DIP2C: variants seen among roughly 807,000 people sequenced by gnomAD.
DIP2C encodes DIP2 acetate--CoA ligase C (putative), also known as disco-interacting protein 2 homolog C.
A neutral mutation model predicts 192.4 loss-of-function variants in DIP2C; 33 were observed. The observed-to-expected ratio is 0.17, with a 90% CI of 0.13 to 0.23. DIP2C has a LOEUF of 0.23. Among genes scored for constraint, DIP2C ranks in the 10% least tolerant of loss-of-function variants. The pLI is 1.00. For missense variants in DIP2C, 1,537 were observed against 2,110.1 expected, an observed-to-expected ratio of 0.73 and a Z score of 5.32; for synonymous variants, 979 against 864.1, an observed-to-expected ratio of 1.13 and a Z score of -2.33.
chr10:578,454 G>A (rs898946109), intron 1 of DIP2C, among the ~76,000 whole-genome samples: 1 of 152,180 alleles, frequency 6.6e-6, no homozygotes, highest in African/African-American at 2.4e-5. Flanking sequence ...CCAAGTCCCT[G>A]TTGTTTCGTT....
chr10:613,111 A>G (rs1588603369), intron 1 of DIP2C, among the ~76,000 whole-genome samples: 1 of 152,162 alleles, frequency 6.6e-6, no homozygotes, highest in Admixed American at 6.5e-5. Context: ...CTACAGGCTG[A>G]CTGCCTCGTC....
chr10:471,221 C>T (rs187981364), intron 3 of DIP2C, among the ~76,000 whole-genome samples: 2 of 152,322 alleles, frequency 1.3e-5, no homozygotes, highest in East Asian at 3.9e-4. Context: ...TTCATTCAGG[C>T]TCTCAGGTGT....
intron 1 of DIP2C, among the ~76,000 whole-genome samples, chr10:575,383 G>A (rs1449287395): frequency 6.6e-6 from 1 of 152,198 alleles, no homozygotes; most frequent in Admixed American, 6.5e-5. Flanking sequence ...CAGGGCATAT[G>A]ATTTCTGCCA....
intron 32 of DIP2C, among the ~76,000 whole-genome samples, chr10:289,835 T>C (rs1589397400): frequency 1.3e-5 from 2 of 152,116 alleles, no homozygotes; most frequent in Non-Finnish European, 2.9e-5. Context: ...AGCAGTGTGG[T>C]AGGTGGCACC....
intron 1 of DIP2C, among the ~76,000 whole-genome samples, chr10:532,724 A>T (rs1375367061): frequency 6.5e-5 from 7 of 108,494 alleles, no homozygotes; most frequent in South Asian, 2.9e-4. Flanking sequence ...TGGGTGTGAG[A>T]GAGAGTATGG....
intron 1 of DIP2C, among the ~76,000 whole-genome samples, chr10:610,452 T>G (rs1853013812): frequency 6.6e-6 from 1 of 152,190 alleles, no homozygotes; most frequent in Non-Finnish European, 1.5e-5. Context: ...AACTTGAATG[T>G]TACTAGCACA....
At chr10:505,836 A>G (rs1845564398) in intron 1 of DIP2C, among the ~76,000 whole-genome samples, 1 of 152,062 alleles carries the variant, frequency 6.6e-6, no homozygotes, top group Non-Finnish European at 1.5e-5. Context: ...GCCCAGCCAT[A>G]TTTCCTCTGG....
At chr10:397,793 T>TA (rs1484535364) in intron 10 of DIP2C, among the ~76,000 whole-genome samples, 2 of 152,168 alleles carry the variant, frequency 1.3e-5, no homozygotes, top group Non-Finnish European at 2.9e-5. Context: ...AAGCCAAAAA[T>TA]AAAATTCTAA....
chr10:328,051 C>T (rs368851405), intron 30 of DIP2C, among the ~76,000 whole-genome samples: 3 of 152,094 alleles, frequency 2.0e-5, no homozygotes, highest in African/African-American at 4.8e-5. Context: ...GCTAAGGGGG[C>T]GGCCACCAAA....
Position 341,325 on chromosome 10 carries a change from G to A in DIP2C, c.3458C>T (p.Ser1153Phe). The stretch of plus-strand genomic sequence containing the variant: ...GCAGAAGGCACTGGTGGCTGCGTGA[G>A]ACATCTGCAAAATACAAGGCTGTGT... ...TTGMLAGVKMSHAATSAFCRS... is the reference protein window; with the variant it reads ...TTGMLAGVKMFHAATSAFCRS... Residue 1153 changes from serine to phenylalanine, a missense_variant, in exon 29 of 37, where the codon TCT becomes TTT. Around this residue, in one of 4 missense-constraint regions of DIP2C, gnomAD observed 341 missense variants for 551.7 expected, o/e 0.62. Transcript: ENST00000280886. 3 of 1,613,916 alleles carry A rather than the reference G, an allele frequency of 1.9e-6. No individual in the cohort carries two copies. The highest frequency in any genetic ancestry group is 1.7e-4 in the Middle Eastern group (1 of 5,820).
At chr10:563,684 G>A (rs1050127800) in intron 1 of DIP2C, among the ~76,000 whole-genome samples, 1 of 152,234 alleles carries the variant, frequency 6.6e-6, no homozygotes, top group African/African-American at 2.4e-5. Flanking sequence ...AACCAGTGCT[G>A]ATTACATTGC....
intron 3 of DIP2C, among the ~76,000 whole-genome samples, chr10:442,972 T>C (rs1967869002): frequency 6.6e-6 from 1 of 152,252 alleles, no homozygotes; most frequent in African/African-American, 2.4e-5. Context: ...TTTTCAAGAA[T>C]ACAGGTTAGT....
At chr10:361,375 G>A (rs1219491391) in intron 22 of DIP2C, among the ~76,000 whole-genome samples, 1 of 152,088 alleles carries the variant, frequency 6.6e-6, no homozygotes, top group Non-Finnish European at 1.5e-5. Flanking sequence ...TCCTGACCTC[G>A]GCGTGAGGCT....
At chr10:415,946 C>T (rs1965602792) in intron 6 of DIP2C, 58 bp from the exon 7 acceptor site, 2 of 1,599,146 alleles carry the variant, frequency 1.3e-6, no homozygotes, top group Admixed American at 1.7e-5. Flanking sequence ...AATGAGCACC[C>T]ACAGTCCCAC....
At chr10:575,248 A>C (rs1306364517) in intron 1 of DIP2C, among the ~76,000 whole-genome samples, 2 of 152,226 alleles carry the variant, frequency 1.3e-5, no homozygotes, top group Non-Finnish European at 2.9e-5. Flanking sequence ...AGTACAATTA[A>C]TCTACACATA....
intron 32 of DIP2C, among the ~76,000 whole-genome samples, chr10:309,466 C>T (rs1268514637): frequency 6.6e-6 from 1 of 152,134 alleles, no homozygotes; most frequent in African/African-American, 2.4e-5. Flanking sequence ...AGGAAAAGAA[C>T]CGAGTGCCTG....
intron 1 of DIP2C, among the ~76,000 whole-genome samples, chr10:569,622 AAAC>A (rs992203650): frequency 6.6e-6 from 1 of 152,196 alleles, no homozygotes; most frequent in African/African-American, 2.4e-5. Flanking sequence ...AGCAAAAACA[AAAC>A]AAATACCACT....
At chr10:393,683 G>A (rs1296882292) in intron 10 of DIP2C, among the ~76,000 whole-genome samples, 1 of 149,668 alleles carries the variant, frequency 6.7e-6, no homozygotes, top group Non-Finnish European at 1.5e-5. Context: ...GGAGGCTGAG[G>A]CAGGAGAATA....
chr10:398,629 T>G (rs1182325388), intron 10 of DIP2C, among the ~76,000 whole-genome samples: 1 of 152,194 alleles, frequency 6.6e-6, no homozygotes, highest in African/African-American at 2.4e-5. Flanking sequence ...CAAATACTTT[T>G]TGATTGACAA....
Sources: gnomAD v4.1 joint callset for allele counts (sites outside exome capture counted in the v4.1 genomes callset) on GRCh38, gnomAD v4.1.1 for gene constraint, gnomAD v4.1.1 regional missense constraint, MANE v1.5 for transcripts, NCBI Gene and HGNC (gene_info 2026-07-23, HGNC 2026-07-21) for gene names.